Variants in FAM228B observed in about 807,000 individuals in gnomAD.
The protein encoded by FAM228B is family with sequence similarity 228 member B.
In FAM228B, 38 loss-of-function variants were observed where a neutral mutation model predicts 42.6. The observed-to-expected ratio is 0.89, with a 90% CI of 0.69 to 1.17. The LOEUF (loss-of-function observed/expected upper bound fraction) is 1.17, where lower values mean the gene tolerates loss of function less well. Ranked by LOEUF, FAM228B falls within the 50% of genes most tolerant of loss-of-function variation. The pLI, the probability that FAM228B is intolerant of heterozygous loss-of-function variation, is 0.00. For missense variants in FAM228B, 344 were observed against 367.3 expected (o/e 0.94, Z 0.52); for synonymous variants, 109 against 122.3 (o/e 0.89, Z 0.72).
In FAM228B at chr2:24,113,162, A is replaced by T. The variant is rs530492682; in HGVS notation, c.-121+17933A>T. The stretch of plus-strand genomic sequence containing the variant: ...ATTACTACCTAGCACAAAGCCGACT[A>T]TGTGCTAGGTAGTGGTGATACAACA... On this transcript the variant is annotated intron_variant, in intron 3 of 10. Transcript: ENST00000613899. 3.3e-5 allele frequency among the ~76,000 whole-genome samples: 5 copies of T among 152,272 alleles called. No homozygotes were observed. In the South Asian group the frequency reaches 1.0e-3, roughly 32 times the overall value.
chr2:24,131,972 T>C (rs1277222198), intron 2 of FAM228B, among the ~76,000 whole-genome samples: 1 of 152,218 alleles, frequency 6.6e-6, no homozygotes, highest in Non-Finnish European at 1.5e-5. Flanking sequence ...GGGTTTGTCA[T>C]AAATGGCTCT....
intron 2 of FAM228B, among the ~76,000 whole-genome samples, chr2:24,088,439 C>T (rs1665310217): frequency 6.6e-6 from 1 of 152,108 alleles, no homozygotes; most frequent in Non-Finnish European, 1.5e-5. Flanking sequence ...CAATCTCTGT[C>T]TCCTGGGTTT....
chr2:24,146,645 C>A (rs1666900649), intron 5 of FAM228B, 103 bp from the exon 6 acceptor site: 2 of 664,768 alleles, frequency 3.0e-6, no homozygotes, highest in South Asian at 2.3e-5. Context: ...ATTATTTACC[C>A]TCCCGGCATA....
chr2:24,131,259 C>T (rs370560331), intron 2 of FAM228B, among the ~76,000 whole-genome samples: 40 of 152,160 alleles, frequency 2.6e-4, no homozygotes, highest in African/African-American at 8.7e-4. Context: ...AGTTAGGTAG[C>T]GTGATGCCTC....
intron 1 of FAM228B, chr2:24,079,646 A>G: frequency 6.2e-7 from 1 of 1,612,650 alleles, no homozygotes; most frequent in Non-Finnish European, 8.5e-7. Context: ...AGCACCTTCC[A>G]TAGGAAACAG....
intron 8 of FAM228B, among the ~76,000 whole-genome samples, chr2:24,162,777 T>C (rs770926472): frequency 1.2e-4 from 18 of 152,200 alleles, no homozygotes; most frequent in African/African-American, 4.3e-4. Flanking sequence ...TGCTGCAACA[T>C]AGACAAACTT....
intron 2 of FAM228B, among the ~76,000 whole-genome samples, chr2:24,083,487 G>T (rs924584970): frequency 2.0e-5 from 3 of 152,112 alleles, no homozygotes; most frequent in Admixed American, 1.3e-4. Context: ...TGCATCAAGC[G>T]CTAGGCTCTG....
At chr2:24,156,598 C>T (rs1020103521) in intron 7 of FAM228B, among the ~76,000 whole-genome samples, 1 of 152,174 alleles carries the variant, frequency 6.6e-6, no homozygotes, top group African/African-American at 2.4e-5. Flanking sequence ...CGGGCCATTG[C>T]ACTCCAGCCT....
chr2:24,137,800 T>G, intron 3 of FAM228B, 109 bp from the exon 4 acceptor site: 1 of 674,248 alleles, frequency 1.5e-6, no homozygotes, highest in Non-Finnish European at 2.5e-6. Flanking sequence ...AATGTCTCTG[T>G]GGGTTATTCT....
chr2:24,079,473 T>C, intron 1 of FAM228B: 3 of 1,614,220 alleles, frequency 1.9e-6, no homozygotes, highest in Non-Finnish European at 2.5e-6. Flanking sequence ...AGCAAACTGG[T>C]GATCAGACTT....
intron 2 of FAM228B, among the ~76,000 whole-genome samples, chr2:24,134,132 A>G (rs575468170): frequency 2.4e-4 from 36 of 152,328 alleles, no homozygotes; most frequent in African/African-American, 7.9e-4. Context: ...TACTTGTTTA[A>G]TTATAATTTT....
chr2:24,146,150 G>A (rs553460278), intron 5 of FAM228B, among the ~76,000 whole-genome samples: 3 of 152,268 alleles, frequency 2.0e-5, no homozygotes, highest in South Asian at 4.1e-4. Flanking sequence ...CTAGCCTGAT[G>A]AGCATGAGAA....
At chr2:24,079,657 A>T in intron 1 of FAM228B, 1 of 1,611,018 alleles carries the variant, frequency 6.2e-7, no homozygotes, top group Non-Finnish European at 8.5e-7. Flanking sequence ...TAGGAAACAG[A>T]TTTGTGATGC....
At chr2:24,115,907 CAAAA>C (rs35038662) in intron 3 of FAM228B, among the ~76,000 whole-genome samples, 195 of 116,994 alleles carry the variant, frequency 1.7e-3, no homozygotes, top group Non-Finnish European at 2.9e-3. Context: ...GGTTCCCATG[CAAAA>C]AAAAAAAAAA....
At chr2:24,166,054 A>ATATATATATATATATATATATATAT (rs1553334355) in intron 9 of FAM228B, 8 of 81,036 alleles carry the variant, frequency 9.9e-5, no homozygotes, top group African/African-American at 2.8e-4. Flanking sequence ...AAAAAAAAAA[A>ATATATATATATATATATATATATAT]ATATATATAT....
chr2:24,154,002 A>G (rs1348059864), intron 7 of FAM228B, among the ~76,000 whole-genome samples: 3 of 152,202 alleles, frequency 2.0e-5, no homozygotes, highest in Non-Finnish European at 2.9e-5. Context: ...ATTCAGCATA[A>G]GTCCCCTACT....
chr2:24,121,127 C>A (rs779806434), upstream of FAM228B: 23 of 1,608,504 alleles, frequency 1.4e-5, no homozygotes, highest in Non-Finnish European at 1.9e-5. Flanking sequence ...AAATTCTTTT[C>A]TTTTACTCAG....
At chr2:24,130,489 A>C (rs932609373) in intron 2 of FAM228B, among the ~76,000 whole-genome samples, 1 of 152,070 alleles carries the variant, frequency 6.6e-6, no homozygotes. Flanking sequence ...TCTTGACTTT[A>C]ATAATCACTA....
chr2:24,122,340 A>T, upstream of FAM228B: 2 of 1,080,194 alleles, frequency 1.9e-6, no homozygotes, highest in Non-Finnish European at 2.8e-6. Context: ...AAAAAAAAAA[A>T]GTCATGTCTG....
Sources: allele counts gnomAD v4.1 joint callset (sites outside exome capture counted in the v4.1 genomes callset), GRCh38; gene constraint gnomAD v4.1.1; transcripts MANE v1.5; gene names NCBI Gene and HGNC (gene_info 2026-07-23, HGNC 2026-07-21).